Variants in CAMTA1 observed in about 807,000 individuals in gnomAD.
CAMTA1 encodes the protein calmodulin-binding transcription activator 1.
A neutral mutation model predicts 170.9 loss-of-function variants in CAMTA1; 27 were observed. The ratio of observed to expected loss-of-function variants is 0.16; its 90% CI spans 0.12 to 0.22. The LOEUF is 0.22. Ranked by LOEUF, CAMTA1 falls within the 10% of genes least tolerant of loss-of-function variation. The pLI, the probability that CAMTA1 is intolerant of heterozygous loss-of-function variation, is 1.00. For missense variants in CAMTA1, 1,619 were observed against 2,217.2 expected, an observed-to-expected ratio of 0.73 and a Z score of 5.42; for synonymous variants, 833 against 891.5, an observed-to-expected ratio of 0.93 and a Z score of 1.17.
At chr1:7,398,161 CT>C (rs1309746743) in intron 5 of CAMTA1, among the ~76,000 whole-genome samples, 1 of 24,652 alleles carries the variant, frequency 4.1e-5, no homozygotes, top group Non-Finnish European at 7.9e-5. Flanking sequence ...ATTGCTCTCT[CT>C]CTCTCTCTCT....
chr1:7,511,835 C>T (rs2094205497), intron 6 of CAMTA1, among the ~76,000 whole-genome samples: 1 of 152,222 alleles, frequency 6.6e-6, no homozygotes. Context: ...GGTCCCCAAA[C>T]TCCACTTTGT....
chr1:7,666,420 G>A (rs746202591), intron 9 of CAMTA1, among the ~76,000 whole-genome samples: 13 of 152,158 alleles, frequency 8.5e-5, no homozygotes, highest in Non-Finnish European at 1.6e-4. Context: ...CTCAGCTCCC[G>A]GGGATCTGAC....
Position 7,685,796 on chromosome 1 carries a change from G to A in CAMTA1, c.2914+8063G>A, listed in dbSNP as rs1390110869. ...CGGCCTACAGGGCAGCTTGACCCACGTTTCTCTTGGGCAAGCCAGTAGGTC... is the reference window on the plus strand; with the variant it reads ...CGGCCTACAGGGCAGCTTGACCCACATTTCTCTTGGGCAAGCCAGTAGGTC... On this transcript the variant is annotated intron_variant, in intron 11 of 22. Transcript: ENST00000303635. This position sits in a 1 kb window ranked among gnomAD's most constrained non-coding sequence, Gnocchi z 5.7. Among the ~76,000 whole-genome samples the A allele has an allele frequency of 1.3e-5, 2 of 152,116 alleles. No homozygotes were observed. Among genetic ancestry groups the A allele is most frequent in the Non-Finnish European group, 1.5e-5 (1 of 68,036 alleles).
chr1:7,429,807 G>A (rs1221439850), intron 5 of CAMTA1, among the ~76,000 whole-genome samples: 1 of 152,166 alleles, frequency 6.6e-6, no homozygotes, highest in Non-Finnish European at 1.5e-5. Context: ...TTCTGGGGAG[G>A]CCTCAGGAAA....
chr1:7,620,873 G>T lies in CAMTA1; in HGVS notation c.511-19527G>T, dbSNP rs17376251. On this transcript the variant is annotated intron_variant, in intron 6 of 22. Transcript: ENST00000303635. ...AGCCAGATTCAAAGGTTTAGCTCGA[G>T]AAATTGAACCTGACAGTTCAGACCA... Among the ~76,000 whole-genome samples, 842 of 152,322 alleles carry T rather than the reference G, an allele frequency of 5.5e-3. 8 individuals carry two copies. The highest frequency in any genetic ancestry group is 7.2e-3 in the Non-Finnish European group (491 of 68,032).
chr1:6,836,625 A>G (rs1237024419), intron 3 of CAMTA1, among the ~76,000 whole-genome samples: 2 of 152,126 alleles, frequency 1.3e-5, no homozygotes, highest in African/African-American at 4.8e-5. Context: ...ATGTGCATGC[A>G]TGTGCACTCA....
intron 6 of CAMTA1, among the ~76,000 whole-genome samples, chr1:7,535,691 C>T (rs903941507): frequency 6.6e-6 from 1 of 152,198 alleles, no homozygotes; most frequent in African/African-American, 2.4e-5. Context: ...TCCTGAACCT[C>T]ACCTGGCAGG....
chr1:6,988,743 C>G (rs186601039), intron 3 of CAMTA1, among the ~76,000 whole-genome samples: 71 of 152,322 alleles, frequency 4.7e-4, no homozygotes, highest in African/African-American at 1.4e-3. Flanking sequence ...CTCATTCCCC[C>G]TCTCCAGGTT....
intron 5 of CAMTA1, among the ~76,000 whole-genome samples, chr1:7,259,445 C>G (rs1667863144): frequency 6.6e-6 from 1 of 152,066 alleles, no homozygotes; most frequent in Admixed American, 6.6e-5. Flanking sequence ...ATTTCAGGCC[C>G]CAACCCAGAT....
chr1:7,095,577 T>C (rs1029702794), intron 4 of CAMTA1, among the ~76,000 whole-genome samples: 2 of 152,234 alleles, frequency 1.3e-5, no homozygotes, highest in East Asian at 1.9e-4. Context: ...CCCTTTGCTT[T>C]TGTGCCTGTG....
intron 4 of CAMTA1, among the ~76,000 whole-genome samples, chr1:7,133,041 G>A (rs1645351607): frequency 6.6e-6 from 1 of 152,036 alleles, no homozygotes; most frequent in South Asian, 2.1e-4. Flanking sequence ...ATATTTTTCT[G>A]TAACTTTCTT....
chr1:7,288,083 A>G (rs1222592841), intron 5 of CAMTA1, among the ~76,000 whole-genome samples: 22 of 152,202 alleles, frequency 1.4e-4, no homozygotes, highest in Non-Finnish European at 1.0e-4. Context: ...ACCAGGTGCT[A>G]TTATTATCCG....
At chr1:6,892,018 C>A (rs1674607418) in intron 3 of CAMTA1, among the ~76,000 whole-genome samples, 1 of 152,188 alleles carries the variant, frequency 6.6e-6, no homozygotes, top group South Asian at 2.1e-4. Context: ...ACAGACACAT[C>A]CTGAGCACCA....
chr1:7,015,246 G>T (rs951332948), intron 3 of CAMTA1, among the ~76,000 whole-genome samples: 1 of 152,090 alleles, frequency 6.6e-6, no homozygotes, highest in African/African-American at 2.4e-5. Context: ...AGTGGGAGGC[G>T]CTAATGACCG....
At chr1:7,563,176 G>T (rs569275164) in intron 6 of CAMTA1, among the ~76,000 whole-genome samples, 4 of 152,208 alleles carry the variant, frequency 2.6e-5, no homozygotes, top group Non-Finnish European at 4.4e-5. Context: ...CATGCCCCCT[G>T]CTCCTTTCTG....
chr1:7,265,128 C>T (rs1668717183), intron 5 of CAMTA1, among the ~76,000 whole-genome samples: 1 of 152,084 alleles, frequency 6.6e-6, no homozygotes, highest in South Asian at 2.1e-4. Flanking sequence ...CAGTGCCACC[C>T]ACTCAGGGTC....
chr1:7,495,060 G>A (rs2093804423), intron 6 of CAMTA1, among the ~76,000 whole-genome samples: 1 of 152,144 alleles, frequency 6.6e-6, no homozygotes, highest in South Asian at 2.1e-4. Context: ...CCATGCAGTT[G>A]CCCCTCAGTG....
intron 3 of CAMTA1, among the ~76,000 whole-genome samples, chr1:6,947,472 T>G (rs543544960): frequency 6.6e-6 from 1 of 152,146 alleles, no homozygotes; most frequent in South Asian, 2.1e-4. Context: ...ACCTTCTCGG[T>G]TCAAGTGATT....
chr1:7,637,826 G>T (rs2095725789), intron 6 of CAMTA1, among the ~76,000 whole-genome samples: 1 of 152,226 alleles, frequency 6.6e-6, no homozygotes, highest in African/African-American at 2.4e-5. Flanking sequence ...TTGGCTAGCA[G>T]GGGCACCGAA....
Sources: allele counts gnomAD v4.1 joint callset (sites outside exome capture counted in the v4.1 genomes callset), GRCh38; gene constraint gnomAD v4.1.1; non-coding constraint Gnocchi (gnomAD v3.1); transcripts MANE v1.5; gene names NCBI Gene and HGNC (gene_info 2026-07-23, HGNC 2026-07-21).